Variants in CYP2J2 observed in about 807,000 individuals in gnomAD.
CYP2J2 encodes cytochrome P450 2J2.
A neutral mutation model predicts 48.8 loss-of-function variants in CYP2J2; 41 were observed. The observed-to-expected ratio is 0.84, with a 90% CI of 0.66 to 1.09. The LOEUF is 1.09. Among genes scored for constraint, CYP2J2 ranks in the 50% least tolerant of loss-of-function variants. CYP2J2 has a pLI of 0.00. For missense variants in CYP2J2, 644 were observed against 617.3 expected, an observed-to-expected ratio of 1.04 and a Z score of -0.46; for synonymous variants, 221 against 227.1, an observed-to-expected ratio of 0.97 and a Z score of 0.24.
chr1:59,923,374 T>A (rs1329790742), intron 1 of CYP2J2, among the ~76,000 whole-genome samples: 1 of 152,194 alleles, frequency 6.6e-6, no homozygotes, highest in Non-Finnish European at 1.5e-5. Flanking sequence ...GTATCCAGGG[T>A]AAGTCTTATA....
intron 5 of CYP2J2, 59 bp from the exon 6 acceptor site, chr1:59,907,986 G>T (rs891123238): frequency 1.9e-6 from 3 of 1,544,290 alleles, no homozygotes; most frequent in South Asian, 2.3e-5. Flanking sequence ...CCTGATTGCC[G>T]TAACACAAAG....
chr1:59,945,148 TA>T, the CYP2J2 span, among the ~76,000 whole-genome samples: 6 of 152,096 alleles, frequency 3.9e-5, no homozygotes, highest in African/African-American at 9.7e-5. Context: ...AGAAAATGGT[TA>T]AAAAAATGGT....
At chr1:59,900,510 T>G (rs1203375636) in intron 8 of CYP2J2, among the ~76,000 whole-genome samples, 1 of 152,190 alleles carries the variant, frequency 6.6e-6, no homozygotes, top group Non-Finnish European at 1.5e-5. Context: ...GGTGCATGCC[T>G]GTAATCCCAG....
chr1:59,924,702 T>A (rs1385397241), intron 1 of CYP2J2, among the ~76,000 whole-genome samples: 1 of 151,970 alleles, frequency 6.6e-6, no homozygotes, highest in Non-Finnish European at 1.5e-5. Context: ...ATAAAATTAT[T>A]TTTAATATGT....
intron 6 of CYP2J2, among the ~76,000 whole-genome samples, chr1:59,907,207 A>G (rs957999887): frequency 2.0e-5 from 3 of 152,188 alleles, no homozygotes; most frequent in Admixed American, 2.0e-4. Flanking sequence ...GAGAGGTAGT[A>G]CTTGAACAGA....
At chr1:59,923,627 A>C (rs1300983946) in intron 1 of CYP2J2, among the ~76,000 whole-genome samples, 1 of 152,218 alleles carries the variant, frequency 6.6e-6, no homozygotes, top group Admixed American at 6.5e-5. Context: ...ACCAAGTGAA[A>C]GTTTTAGAAC....
chr1:59,911,674 A>T lies in CYP2J2; in HGVS notation c.618T>A (p.Ser206Arg). ...GTAACTTCAGCAGCTGCTGAAACCA[A>T]CTATCCTGGTACTCAAAGCGTTCTC... is the stretch of plus-strand genomic sequence containing the variant. ...TFGERFEYQD[S>R]WFQQLLKLLD... The change falls in exon 4 of 9, where the codon AGT becomes AGA. Residue 206 changes from serine to arginine, a missense_variant. Coordinates refer to ENST00000371204, the MANE Select transcript of CYP2J2 (RefSeq NM_000775.4). The T allele has an allele frequency of 3.7e-6, 6 of 1,613,612 alleles. No individual in the cohort carries two copies. Among genetic ancestry groups the T allele is most frequent in the Non-Finnish European group, 4.2e-6 (5 of 1,179,652 alleles).
At chr1:59,927,054 G>C (rs929105127), upstream of CYP2J2, among the ~76,000 whole-genome samples, 1 of 152,188 alleles carries the variant, frequency 6.6e-6, no homozygotes, top group African/African-American at 2.4e-5. Flanking sequence ...GGTAAACAGC[G>C]ATAACAACAG....
the CYP2J2 span, among the ~76,000 whole-genome samples, chr1:59,968,062 T>C: frequency 6.6e-6 from 1 of 152,236 alleles, no homozygotes; most frequent in African/African-American, 2.4e-5. Context: ...GTGACGCAGG[T>C]AATTGTGCAC....
At chr1:59,967,262 A>G in the CYP2J2 span, among the ~76,000 whole-genome samples, 11 of 152,324 alleles carry the variant, frequency 7.2e-5, 1 homozygote, top group South Asian at 1.5e-3. Context: ...AAACCTCTTA[A>G]AAGAGGTTTA....
At chr1:59,910,425 A>G (rs1380452894) in intron 4 of CYP2J2, among the ~76,000 whole-genome samples, 1 of 152,204 alleles carries the variant, frequency 6.6e-6, no homozygotes, top group East Asian at 1.9e-4. Flanking sequence ...ATGCAGATAC[A>G]GTGAAAATGG....
intron 2 of CYP2J2, among the ~76,000 whole-genome samples, chr1:59,914,786 C>T (rs1038715162): frequency 1.3e-5 from 2 of 152,166 alleles, no homozygotes; most frequent in African/African-American, 4.8e-5. Flanking sequence ...GCCTGACACC[C>T]GTGAAGGGTC....
chr1:59,938,203 G>C, the CYP2J2 span, among the ~76,000 whole-genome samples: 1 of 152,186 alleles, frequency 6.6e-6, no homozygotes, highest in African/African-American at 2.4e-5. Flanking sequence ...TTCTCATCAG[G>C]TGGGACGAGA....
At chr1:59,896,567 C>A (rs543053298) in intron 8 of CYP2J2, among the ~76,000 whole-genome samples, 1 of 152,114 alleles carries the variant, frequency 6.6e-6, no homozygotes, top group South Asian at 2.1e-4. Context: ...CTGCCACAGC[C>A]ACCCTGTGCA....
intron 7 of CYP2J2, among the ~76,000 whole-genome samples, chr1:59,903,051 A>C (rs2102111329): frequency 6.6e-6 from 1 of 152,322 alleles, no homozygotes. Flanking sequence ...GAGTTAAATA[A>C]ATTGCTAGAA....
At chr1:59,955,773 AG>A in the CYP2J2 span, among the ~76,000 whole-genome samples, 1 of 152,146 alleles carries the variant, frequency 6.6e-6, no homozygotes, top group Non-Finnish European at 1.5e-5. Context: ...AAAGTGAAGA[AG>A]GGGGTTGGCT....
rs1371186840 is a variant in CYP2J2 at position 59,893,535 on chromosome 1, TG to T, written c.*115del. The T allele has an allele frequency of 5.3e-6, 4 of 753,150 alleles. No individual in the cohort carries two copies. The highest frequency in any genetic ancestry group is 8.1e-6 in the Non-Finnish European group (4 of 492,772). The allele number at this position is 753,150 out of a possible 1,614,324, so 46.7% of individuals were successfully genotyped here. ...TAGTTTTCTCTGAGTCAAATTCCTC[TG>T]ATCTTTCTTGAAAGTCACTTTCATT... On this transcript the variant is annotated 3_prime_UTR_variant, in exon 9 of 9. Coordinates refer to ENST00000371204, the MANE Select transcript of CYP2J2 (RefSeq NM_000775.4).
At chr1:59,960,021 C>T in the CYP2J2 span, among the ~76,000 whole-genome samples, 1 of 152,106 alleles carries the variant, frequency 6.6e-6, no homozygotes. Context: ...AGCCAAATGC[C>T]ACCTGCTCCC....
chr1:59,955,397 C>T, the CYP2J2 span, among the ~76,000 whole-genome samples: 1 of 150,634 alleles, frequency 6.6e-6, no homozygotes, highest in African/African-American at 2.4e-5. Context: ...GAGGGATGGC[C>T]CTAGAAATTA....
Sources: allele counts gnomAD v4.1 joint callset (sites outside exome capture counted in the v4.1 genomes callset), GRCh38; gene constraint gnomAD v4.1.1; transcripts MANE v1.5; gene names NCBI Gene and HGNC (gene_info 2026-07-23, HGNC 2026-07-21).